Variants in PLXNA4 observed in about 807,000 individuals in gnomAD.
PLXNA4 encodes plexin-A4.
PLXNA4 carries 44 observed loss-of-function variants against 191.8 expected under a neutral mutation model. The observed-to-expected ratio is 0.23, with a 90% CI of 0.18 to 0.29. The LOEUF (loss-of-function observed/expected upper bound fraction) is 0.29, where lower values mean the gene tolerates loss of function less well. Among genes scored for constraint, PLXNA4 ranks in the 10% least tolerant of loss-of-function variants. PLXNA4 has a pLI of 1.00. For synonymous variants in PLXNA4, 1,082 were observed against 1,009.5 expected, an observed-to-expected ratio of 1.07 and a Z score of -1.36; for missense variants, 1,800 against 2,488.8, an observed-to-expected ratio of 0.72 and a Z score of 5.89.
intron 2 of PLXNA4, among the ~76,000 whole-genome samples, chr7:132,632,543 C>G (rs1803513166): frequency 6.6e-6 from 1 of 152,100 alleles, no homozygotes; most frequent in African/African-American, 2.4e-5. Context: ...TTATCTACCT[C>G]CCGGGATAGA....
chr7:132,201,446 G>A (rs767053970), intron 12 of PLXNA4, among the ~76,000 whole-genome samples: 26 of 152,300 alleles, frequency 1.7e-4, no homozygotes, highest in Middle Eastern at 3.4e-3. Context: ...CCACTGTTAA[G>A]TGATCATATA....
chr7:132,411,434 A>G (rs1417507409), intron 3 of PLXNA4, among the ~76,000 whole-genome samples: 1 of 152,168 alleles, frequency 6.6e-6, no homozygotes, highest in Non-Finnish European at 1.5e-5. Flanking sequence ...GGCTCTCACC[A>G]TCAAATCTAT....
At chr7:132,159,729 C>A (rs550475290) in intron 24 of PLXNA4, 97 bp from the exon 25 acceptor site, 1 of 1,555,072 alleles carries the variant, frequency 6.4e-7, no homozygotes, top group Admixed American at 1.8e-5. Flanking sequence ...CTGAATGGCT[C>A]ATCCTCTCCA....
intron 21 of PLXNA4, among the ~76,000 whole-genome samples, chr7:132,172,213 C>T (rs1028578658): frequency 9.2e-5 from 14 of 152,202 alleles, no homozygotes; most frequent in Non-Finnish European, 1.3e-4. Flanking sequence ...TAGTTGAAGT[C>T]TGTGAGTATA....
intron 3 of PLXNA4, among the ~76,000 whole-genome samples, chr7:132,347,568 C>T (rs1296750619): frequency 6.6e-6 from 1 of 152,168 alleles, no homozygotes; most frequent in East Asian, 1.9e-4. Flanking sequence ...CCCAAAAAGC[C>T]GTCCAAAATC....
intron 14 of PLXNA4, among the ~76,000 whole-genome samples, chr7:132,189,379 T>C (rs1424136733): frequency 6.6e-6 from 1 of 152,124 alleles, no homozygotes. Flanking sequence ...ACCTCTTCAC[T>C]TGGCTCCATG....
intron 1 of PLXNA4, among the ~76,000 whole-genome samples, chr7:132,563,700 C>CTTT: frequency 8.4e-6 from 1 of 118,518 alleles, no homozygotes; most frequent in Non-Finnish European, 1.8e-5. Flanking sequence ...TCCTCCTTCT[C>CTTT]CTCCTCCTCC....
intron 3 of PLXNA4, among the ~76,000 whole-genome samples, chr7:132,333,145 C>T (rs1802662050): frequency 6.6e-6 from 1 of 152,210 alleles, no homozygotes; most frequent in Non-Finnish European, 1.5e-5. Context: ...TGGTCGGAAA[C>T]TAGGATAGCA....
intron 3 of PLXNA4, among the ~76,000 whole-genome samples, chr7:132,335,884 A>G (rs958292071): frequency 6.6e-6 from 1 of 152,188 alleles, no homozygotes; most frequent in African/African-American, 2.4e-5. Context: ...CTAGGAGGGA[A>G]GTGGGGGCCT....
intron 4 of PLXNA4, among the ~76,000 whole-genome samples, chr7:132,296,374 C>G (rs73157269): frequency 0.038 from 5,732 of 152,108 alleles, 162 homozygotes; most frequent in Middle Eastern, 0.069. Flanking sequence ...AATGCTGACT[C>G]AGTTCTCAAA....
intron 3 of PLXNA4, among the ~76,000 whole-genome samples, chr7:132,477,859 G>A (rs1272927797): frequency 6.6e-6 from 1 of 151,960 alleles, no homozygotes; most frequent in Non-Finnish European, 1.5e-5. Flanking sequence ...ATAATTTTGG[G>A]GTAATCAAAA....
intron 10 of PLXNA4, among the ~76,000 whole-genome samples, chr7:132,210,611 A>C (rs1366623658): frequency 6.6e-6 from 1 of 152,144 alleles, no homozygotes; most frequent in African/African-American, 2.4e-5. Flanking sequence ...ATGGACATGA[A>C]GGTACCTGGA....
intron 25 of PLXNA4, among the ~76,000 whole-genome samples, chr7:132,155,647 C>T (rs1361345909): frequency 6.6e-6 from 1 of 152,158 alleles, no homozygotes; most frequent in African/African-American, 2.4e-5. Context: ...GCTACCTGGG[C>T]ACTGTGCCTT....
rs546648219 is a variant in PLXNA4 at position 132,604,793 on chromosome 7, C to A, written c.-87+41135G>T. On this transcript the variant is annotated intron_variant, in intron 2 of 4. Coordinates refer to the PLXNA4 transcript ENST00000378539. Reference sequence around the variant, plus strand: ...GTACAGATGCAGGGACCGTGACATACCTCTATTCCCATGTGCAGATGGTGA... The same window carrying A: ...GTACAGATGCAGGGACCGTGACATAACTCTATTCCCATGTGCAGATGGTGA... Among the ~76,000 whole-genome samples, 13 of 152,298 alleles carry A rather than the reference C, an allele frequency of 8.5e-5. No homozygotes were observed. In the South Asian group the frequency reaches 2.7e-3, roughly 32 times the overall value.
chr7:132,395,896 C>T (rs1011620093), intron 3 of PLXNA4, among the ~76,000 whole-genome samples: 14 of 152,234 alleles, frequency 9.2e-5, no homozygotes, highest in Non-Finnish European at 5.9e-5. Flanking sequence ...GTTCAAGACA[C>T]AGAAAGCTTT....
intron 4 of PLXNA4, among the ~76,000 whole-genome samples, chr7:132,277,994 C>G (rs1800340827): frequency 6.6e-6 from 1 of 152,146 alleles, no homozygotes; most frequent in African/African-American, 2.4e-5. Context: ...ACTGGGTGAA[C>G]AATAAGTGCC....
At chr7:132,327,619 G>A (rs1001992248) in intron 3 of PLXNA4, among the ~76,000 whole-genome samples, 2 of 152,134 alleles carry the variant, frequency 1.3e-5, no homozygotes. Flanking sequence ...TATGCATCAA[G>A]GTTCTGCTAT....
intron 2 of PLXNA4, among the ~76,000 whole-genome samples, chr7:132,584,948 C>T (rs1368161436): frequency 6.6e-6 from 1 of 152,116 alleles, no homozygotes; most frequent in African/African-American, 2.4e-5. Context: ...GTATCATATT[C>T]GAGCTTGCCT....
chr7:132,130,547 G>A lies in PLXNA4; in HGVS notation c.5617C>T (p.Gln1873Ter). The A allele has an allele frequency of 6.2e-7, 1 of 1,614,092 alleles. No individual in the cohort carries two copies. Among genetic ancestry groups the A allele is most frequent in the Non-Finnish European group, 8.5e-7 (1 of 1,180,004 alleles). Residue 1873 changes from glutamine to a stop codon, truncating the protein, a stop_gained, in exon 32 of 32, where the codon CAG (glutamine) becomes TAG (stop). Transcript: ENST00000321063. LOFTEE classifies it high-confidence loss of function. ...TAGGCCAGTTTCTGCTTCCCACACTGGTCATCGTGGTCCAGAGGTCCAAGG... is the reference window on the plus strand; with the variant it reads ...TAGGCCAGTTTCTGCTTCCCACACTAGTCATCGTGGTCCAGAGGTCCAAGG... Reference protein sequence around the residue: ...EILGPLDHDDQCGKQKLAYKL... With the variant: ...EILGPLDHDD
Sources: gnomAD v4.1 joint callset for allele counts (sites outside exome capture counted in the v4.1 genomes callset) on GRCh38, gnomAD v4.1.1 for gene constraint, MANE v1.5 for transcripts, NCBI Gene and HGNC (gene_info 2026-07-23, HGNC 2026-07-21) for gene names.